FAM241A: variants seen among roughly 807,000 people sequenced by gnomAD.
The protein encoded by FAM241A is family with sequence similarity 241 member A, also known as uncharacterized protein FAM241A.
FAM241A carries 7 observed loss-of-function variants against 12.2 expected under a neutral mutation model. That is an observed-to-expected ratio of 0.58 (90% CI 0.33 to 1.08). The LOEUF is 1.08. Ranked by LOEUF, FAM241A falls within the 50% of genes least tolerant of loss-of-function variation. The probability of loss-of-function intolerance (pLI) is 0.04; values close to 1 mark genes in which losing one functional copy is unlikely to be tolerated. For missense variants in FAM241A, 161 were observed against 169.7 expected (o/e 0.95, Z 0.29); for synonymous variants, 74 against 68.2 (o/e 1.08, Z -0.42).
chr4:112,149,180 C>CT (rs946504225), intron 1 of FAM241A, among the ~76,000 whole-genome samples: 5 of 151,162 alleles, frequency 3.3e-5, no homozygotes, highest in South Asian at 2.1e-4. Context: ...TATATACACA[C>CT]TTTTTTTTTG....
intron 1 of FAM241A, among the ~76,000 whole-genome samples, chr4:112,177,947 G>T (rs1723855656): frequency 6.6e-6 from 1 of 152,042 alleles, no homozygotes; most frequent in South Asian, 2.1e-4. Context: ...ATTTTGGTGG[G>T]TTTTTTGCAT....
At chr4:112,147,248 C>G (rs948970833) in intron 1 of FAM241A, among the ~76,000 whole-genome samples, 1 of 152,124 alleles carries the variant, frequency 6.6e-6, no homozygotes, top group African/African-American at 2.4e-5. Context: ...CTTTGCATAC[C>G]TGCCTCCTTC....
At chr4:112,184,663 A>G (rs1218562224) in intron 1 of FAM241A, among the ~76,000 whole-genome samples, 1 of 152,226 alleles carries the variant, frequency 6.6e-6, no homozygotes, top group African/African-American at 2.4e-5. Context: ...ATTACTGTAC[A>G]TAAATTACTA....
chr4:112,164,505 A>G (rs2110426312), intron 1 of FAM241A, among the ~76,000 whole-genome samples: 1 of 151,992 alleles, frequency 6.6e-6, no homozygotes, highest in Admixed American at 6.5e-5. Flanking sequence ...GTAAATGACA[A>G]GTTAATGGGT....
intron 1 of FAM241A, among the ~76,000 whole-genome samples, chr4:112,168,143 AG>A (rs921180946): frequency 3.3e-5 from 5 of 152,248 alleles, no homozygotes; most frequent in African/African-American, 4.8e-5. Flanking sequence ...ATTCACCTAA[AG>A]TTAAAACAAC....
In FAM241A at chr4:112,171,598, G is replaced by A. The variant is rs181535298; in HGVS notation, c.154-15095G>A. 1.8e-3 allele frequency: 1,079 copies of A among 612,852 alleles called. 6 individuals are homozygous for A. Among genetic ancestry groups the A allele is most frequent in the African/African-American group, 0.018 (953 of 54,404 alleles). The allele number at this position is 612,852 out of a possible 1,614,324, so 38.0% of individuals were successfully genotyped here. A position where few individuals can be genotyped will look rare whatever the true frequency, so the allele number is the denominator to read the frequency against. ...TTTATGGCCGGGTGCGGTGGCTCAC[G>A]CCTGTGATCCCAGCACTTTGGGAGG... On this transcript the variant is annotated intron_variant, in intron 1 of 1. Coordinates refer to ENST00000309733, the MANE Select transcript of FAM241A (RefSeq NM_152400.3).
At chr4:112,155,064 A>G (rs1723325549) in intron 1 of FAM241A, among the ~76,000 whole-genome samples, 1 of 152,000 alleles carries the variant, frequency 6.6e-6, no homozygotes, top group Admixed American at 6.5e-5. Flanking sequence ...ACAAAAAAAG[A>G]GGCTTGAGTT....
rs1344112652 is a variant in FAM241A at position 112,187,889 on chromosome 4, T to G, written c.*951T>G. On this transcript the variant is annotated 3_prime_UTR_variant, in exon 2 of 2. Coordinates refer to ENST00000309733, the MANE Select transcript of FAM241A (RefSeq NM_152400.3). ...AAAAAATTTGTATTTTACTGTTGTT[T>G]TCAGGAAAAAAATCAGATCATTTTT... The G allele has an allele frequency of 1.3e-5, 2 of 151,440 alleles. No homozygotes were observed. Among genetic ancestry groups the G allele is most frequent in the Non-Finnish European group, 3.0e-5 (2 of 67,736 alleles). The allele number at this position is 151,440 out of a possible 1,614,324, so 9.4% of individuals were successfully genotyped here.
At chr4:112,148,081 T>G (rs1238961912) in intron 1 of FAM241A, among the ~76,000 whole-genome samples, 2 of 152,270 alleles carry the variant, frequency 1.3e-5, no homozygotes, top group African/African-American at 2.4e-5. Context: ...AATGATTTTG[T>G]CAACACCTAA....
intron 1 of FAM241A, among the ~76,000 whole-genome samples, chr4:112,178,839 A>G (rs1166849578): frequency 6.6e-6 from 1 of 152,182 alleles, no homozygotes; most frequent in South Asian, 2.1e-4. Context: ...ATAAACAGAC[A>G]CTTCTCAAAG....
intron 1 of FAM241A, among the ~76,000 whole-genome samples, chr4:112,156,357 C>T (rs911200264): frequency 7.2e-5 from 11 of 152,150 alleles, no homozygotes; most frequent in Non-Finnish European, 1.3e-4. Flanking sequence ...GAACCTCCCA[C>T]CCCATAATCC....
rs1407876364 is a variant in FAM241A, at chr4:112,193,289, T to C, written c.*6351T>C. On this transcript the variant is annotated 3_prime_UTR_variant, in exon 2 of 2. Coordinates refer to ENST00000309733, the MANE Select transcript of FAM241A (RefSeq NM_152400.3). Reference sequence around the variant, plus strand: ...TAGGTTGCGAAAATTTTCTGCCATTTTGTAAGTTGCCTGTTCACTCTGATG... The same window carrying C: ...TAGGTTGCGAAAATTTTCTGCCATTCTGTAAGTTGCCTGTTCACTCTGATG... The C allele has an allele frequency of 7.9e-5, 12 of 152,188 alleles. No individual in the cohort carries two copies. Among genetic ancestry groups the C allele is most frequent in the Non-Finnish European group, 8.8e-5 (6 of 68,050 alleles). The allele number at this position is 152,188 out of a possible 1,614,324, so 9.4% of individuals were successfully genotyped here. A position where few individuals can be genotyped will look rare whatever the true frequency, so the allele number is the denominator to read the frequency against.
At chr4:112,162,506 C>T (rs1321590131) in intron 1 of FAM241A, among the ~76,000 whole-genome samples, 13 of 152,054 alleles carry the variant, frequency 8.5e-5, no homozygotes, top group Non-Finnish European at 1.5e-4. Context: ...AGCATTCCTC[C>T]ACACCAATAA....
chr4:112,192,749 T>A lies in FAM241A; in HGVS notation c.*5811T>A, dbSNP rs1403508361. The A allele has an allele frequency of 7.3e-5, 11 of 150,882 alleles. No individual in the cohort carries two copies. Among genetic ancestry groups the A allele is most frequent in the Non-Finnish European group, 1.5e-5 (1 of 67,476 alleles). The allele number at this position is 150,882 out of a possible 1,614,324, so 9.3% of individuals were successfully genotyped here. A position where few individuals can be genotyped will look rare whatever the true frequency, so the allele number is the denominator to read the frequency against. On this transcript the variant is annotated 3_prime_UTR_variant, in exon 2 of 2. Coordinates refer to ENST00000309733, the MANE Select transcript of FAM241A (RefSeq NM_152400.3). ...ATTTTCTTAATCCAGTCTATCATTGTTGGACATTTGGGTTGGTTCCAAGTC... is the reference window on the plus strand; with the variant it reads ...ATTTTCTTAATCCAGTCTATCATTGATGGACATTTGGGTTGGTTCCAAGTC...
At position 112,145,672 on chromosome 4, in the gene FAM241A, C is replaced by A; in HGVS notation, c.92C>A (p.Thr31Asn). The change falls in exon 1 of 2, where the codon ACC becomes AAC. Residue 31 changes from threonine (T) to asparagine (N), a missense_variant. By Grantham distance (65) the Thr-to-Asn change is moderately conservative. Transcript: ENST00000309733. ...DALAEREAAG[T>N]GWDPGASPRR... ...CTGGCGGAGCGGGAGGCGGCAGGGA[C>A]CGGGTGGGATCCCGGGGCGAGCCCG... 1 of 1,214,806 alleles carries A rather than the reference C, an allele frequency of 8.2e-7. No individual in the cohort carries two copies. Among genetic ancestry groups the A allele is most frequent in the African/African-American group, 1.6e-5 (1 of 63,630 alleles). 75.3% of individuals were successfully genotyped at this position (1,214,806 alleles called of 1,614,324 possible). A position where few individuals can be genotyped will look rare whatever the true frequency, so the allele number is the denominator to read the frequency against.
At chr4:112,159,743 A>C (rs868049258) in intron 1 of FAM241A, among the ~76,000 whole-genome samples, 54 of 152,208 alleles carry the variant, frequency 3.5e-4, no homozygotes, top group African/African-American at 1.2e-3. Flanking sequence ...TGATTAAAAA[A>C]CACTAAAAAA....
At chr4:112,158,012 C>A (rs1194606989) in intron 1 of FAM241A, among the ~76,000 whole-genome samples, 1 of 152,004 alleles carries the variant, frequency 6.6e-6, no homozygotes, top group Non-Finnish European at 1.5e-5. Context: ...GCATGCCTAT[C>A]TTTGGCATCA....
chr4:112,188,764 C>G lies in FAM241A; in HGVS notation c.*1826C>G, dbSNP rs1724096507. 6.6e-6 allele frequency: 1 copy of G among 152,100 alleles called. No individual in the cohort carries two copies. Among genetic ancestry groups the G allele is most frequent in the African/African-American group, 2.4e-5 (1 of 41,440 alleles). 9.4% of individuals were successfully genotyped at this position (152,100 alleles called of 1,614,324 possible). ...AATGATATGATGTACAAAATAACAGCTCTGGTTCCACCAGTACCTAATGTT... is the reference window on the plus strand; with the variant it reads ...AATGATATGATGTACAAAATAACAGGTCTGGTTCCACCAGTACCTAATGTT... On this transcript the variant is annotated 3_prime_UTR_variant, in exon 2 of 2. Coordinates refer to ENST00000309733, the MANE Select transcript of FAM241A (RefSeq NM_152400.3).
intron 1 of FAM241A, among the ~76,000 whole-genome samples, chr4:112,147,502 C>T (rs1366293347): frequency 6.6e-6 from 1 of 151,936 alleles, no homozygotes; most frequent in South Asian, 2.1e-4. Context: ...TCTGATAAAA[C>T]GTTTCTTGGT....
Sources: allele counts gnomAD v4.1 joint callset (sites outside exome capture counted in the v4.1 genomes callset), GRCh38; gene constraint gnomAD v4.1.1; transcripts MANE v1.5; gene names NCBI Gene and HGNC (gene_info 2026-07-23, HGNC 2026-07-21).